Variants in GRXCR2 observed in about 807,000 individuals in gnomAD.
The protein encoded by GRXCR2 is glutaredoxin and cysteine rich domain containing 2, also known as glutaredoxin domain-containing cysteine-rich protein 2.
Under a neutral mutation model 24.8 loss-of-function variants are expected in GRXCR2, and 23 were observed. The ratio of observed to expected loss-of-function variants is 0.93; its 90% CI spans 0.67 to 1.32. The LOEUF (loss-of-function observed/expected upper bound fraction) is 1.32. Ranked by LOEUF, GRXCR2 falls within the 40% of genes most tolerant of loss-of-function variation. GRXCR2 has a pLI of 0.00. For missense variants in GRXCR2, 315 were observed against 303.4 expected, an observed-to-expected ratio of 1.04 and a Z score of -0.28; for synonymous variants, 130 against 116.1, an observed-to-expected ratio of 1.12 and a Z score of -0.77.
chr5:145,918,262 G>T (rs1757267795), intron 2 of GRXCR2, among the ~76,000 whole-genome samples: 1 of 152,166 alleles, frequency 6.6e-6, no homozygotes, highest in Non-Finnish European at 1.5e-5. Context: ...TGATCTGGTA[G>T]TAGGGCAGGC....
intron 2 of GRXCR2, among the ~76,000 whole-genome samples, chr5:145,892,870 G>A (rs1756890540): frequency 6.6e-6 from 1 of 152,174 alleles, no homozygotes; most frequent in African/African-American, 2.4e-5. Flanking sequence ...AAATGTTAAG[G>A]GCAGCCAGAG....
intron 2 of GRXCR2, among the ~76,000 whole-genome samples, chr5:145,889,172 A>AAAGAAAGAAAGAAAGAAAGAAAGAAAG (rs1554105330): frequency 1.1e-4 from 9 of 84,040 alleles, no homozygotes; most frequent in South Asian, 4.4e-4. Context: ...CTGTCTCAAA[A>AAAGAAAGAAAGAAAGAAAGAAAGAAAG]AAAGAAAGAA....
chr5:145,881,695 A>G (rs1431469232), intron 2 of GRXCR2, among the ~76,000 whole-genome samples: 1 of 152,252 alleles, frequency 6.6e-6, no homozygotes, highest in Non-Finnish European at 1.5e-5. Flanking sequence ...GAACCAAAAA[A>G]GACCCCACAT....
chr5:145,895,245 C>T (rs578111614), intron 2 of GRXCR2, among the ~76,000 whole-genome samples: 10 of 152,084 alleles, frequency 6.6e-5, no homozygotes, highest in Non-Finnish European at 4.4e-5. Flanking sequence ...TGCCCTCTCT[C>T]ACCACTCCTA....
chr5:145,875,619 G>A (rs758452176), upstream of GRXCR2, among the ~76,000 whole-genome samples: 1 of 152,118 alleles, frequency 6.6e-6, no homozygotes, highest in South Asian at 2.1e-4. Flanking sequence ...TTCTACTAAG[G>A]AGAGGTGTCA....
At chr5:145,924,580 A>G (rs77153132) in intron 2 of GRXCR2, among the ~76,000 whole-genome samples, 3,076 of 152,262 alleles carry the variant, frequency 0.02, 74 homozygotes, top group African/African-American at 0.059. Context: ...GCAATAAAGT[A>G]TTGACGTTTT....
intron 2 of GRXCR2, among the ~76,000 whole-genome samples, chr5:145,920,162 G>A (rs1757303462): frequency 6.6e-6 from 1 of 152,174 alleles, no homozygotes; most frequent in Admixed American, 6.5e-5. Flanking sequence ...GCAGCCGGGT[G>A]GGGGTGTCTA....
At chr5:145,894,421 A>C (rs1171410437) in intron 2 of GRXCR2, among the ~76,000 whole-genome samples, 1 of 152,240 alleles carries the variant, frequency 6.6e-6, no homozygotes, top group Non-Finnish European at 1.5e-5. Flanking sequence ...GAAGAATCAA[A>C]TAGACGCAAT....
In GRXCR2 at chr5:145,884,244, G is replaced by A. The variant is rs75625809; in HGVS notation, c.-69-17516C>T. 2.9e-3 allele frequency among the ~76,000 whole-genome samples: 448 copies of A among 152,144 alleles called. 2 individuals are homozygous for A. Among genetic ancestry groups the A allele is most frequent in the African/African-American group, 0.011 (436 of 41,504 alleles). On this transcript the variant is annotated intron_variant, in intron 2 of 3. Transcript: ENST00000639411. ...CAGAAGGAAGCAACCACACAAAACC[G>A]CTCTGTGGGACATCCTACAAGACAC...
upstream of GRXCR2, among the ~76,000 whole-genome samples, chr5:145,875,351 C>G (rs1489880103): frequency 6.6e-6 from 1 of 152,142 alleles, no homozygotes; most frequent in Non-Finnish European, 1.5e-5. Flanking sequence ...GAGATTAAGA[C>G]CATCCTGGCC....
At chr5:145,863,264 C>G (rs1460972086) in intron 2 of GRXCR2, among the ~76,000 whole-genome samples, 1 of 152,196 alleles carries the variant, frequency 6.6e-6, no homozygotes, top group Non-Finnish European at 1.5e-5. Context: ...TTGACCTTCT[C>G]TTTTAAAATA....
At chr5:145,927,426 T>A (rs1757414238) in intron 2 of GRXCR2, among the ~76,000 whole-genome samples, 1 of 152,084 alleles carries the variant, frequency 6.6e-6, no homozygotes, top group African/African-American at 2.4e-5. Flanking sequence ...TTATTGAGAG[T>A]TTTTAGCATG....
chr5:145,863,701 T>C (rs1011791959), intron 2 of GRXCR2, among the ~76,000 whole-genome samples: 1 of 152,196 alleles, frequency 6.6e-6, no homozygotes, highest in African/African-American at 2.4e-5. Flanking sequence ...TCTCATTATG[T>C]TGCCCAGGCT....
chr5:145,910,044 G>T (rs1757143939), intron 2 of GRXCR2, among the ~76,000 whole-genome samples: 1 of 152,140 alleles, frequency 6.6e-6, no homozygotes, highest in South Asian at 2.1e-4. Flanking sequence ...TCACGCTGTG[G>T]CTGAACCAAT....
At position 145,860,590 on chromosome 5, in the gene GRXCR2, G is replaced by A. The variant is rs184037544; in HGVS notation, c.565-675C>T. Among the ~76,000 whole-genome samples, 958 of 152,234 alleles carry A rather than the reference G, an allele frequency of 6.3e-3. 51 individuals carry two copies. Among genetic ancestry groups the A allele is most frequent in the Admixed American group, 0.055 (848 of 15,290 alleles). ...GACTGAGTGGAGAAATGAATGAATC[G>A]ATAAATGTTACAATCCTTCAAAGCT... On this transcript the variant is annotated intron_variant, in intron 2 of 2. Transcript: ENST00000377976.
In GRXCR2 at chr5:145,885,097, C is replaced by CTGTGTGTGTG. The variant is rs59158357; in HGVS notation, c.-69-18379_-69-18370dup. ...ATTATCATGCAGCATGTGTGTGTGT[C>CTGTGTGTGTG]TGTGTGTGTGTGTGTGTGTGTGTGT... On this transcript the variant is annotated intron_variant, in intron 2 of 3. Coordinates refer to the GRXCR2 transcript ENST00000639411. Among the ~76,000 whole-genome samples the CTGTGTGTGTG allele has an allele frequency of 7.0e-3, 1,031 of 147,764 alleles. 6 individuals are homozygous for CTGTGTGTGTG. Among genetic ancestry groups the CTGTGTGTGTG allele is most frequent in the African/African-American group, 0.024 (978 of 40,026 alleles).
intron 2 of GRXCR2, among the ~76,000 whole-genome samples, chr5:145,862,470 C>T (rs933839683): frequency 1.3e-5 from 2 of 152,196 alleles, no homozygotes; most frequent in Non-Finnish European, 2.9e-5. Flanking sequence ...ATAAGCACCA[C>T]TCTATACAAG....
intron 2 of GRXCR2, among the ~76,000 whole-genome samples, chr5:145,928,454 G>A (rs1230966207): frequency 2.6e-5 from 4 of 151,914 alleles, no homozygotes; most frequent in Non-Finnish European, 4.4e-5. Context: ...ACATGCACAC[G>A]TATGTTTATT....
upstream of GRXCR2, among the ~76,000 whole-genome samples, chr5:145,873,896 C>G (rs10058475): frequency 1.9e-3 from 286 of 152,302 alleles, 3 homozygotes; most frequent in African/African-American, 6.5e-3. Context: ...GTCCTACAAT[C>G]CCATACAGAC....
Sources: gnomAD v4.1 joint callset for allele counts (sites outside exome capture counted in the v4.1 genomes callset) on GRCh38, gnomAD v4.1.1 for gene constraint, MANE v1.5 for transcripts, NCBI Gene and HGNC (gene_info 2026-07-23, HGNC 2026-07-21) for gene names.